Variants in NOS3 observed in about 807,000 individuals in gnomAD.
NOS3 encodes the protein nitric oxide synthase 3, also known as NOS type III.
NOS3 carries 98 observed loss-of-function variants against 144.9 expected under a neutral mutation model. That is an observed-to-expected ratio of 0.68 (90% CI 0.57 to 0.80). NOS3 has a LOEUF of 0.80. NOS3 is among the 30% of genes least tolerant of loss of function. NOS3 has a pLI of 0.00. For missense variants in NOS3, 1,465 were observed against 1,656.4 expected (o/e 0.88, Z 2.01); for synonymous variants, 714 against 702.4 (o/e 1.02, Z -0.26).
rs1419066864 is a variant in NOS3 at position 150,993,027 on chromosome 7, C to T, written c.-51-726C>T. 6.6e-6 allele frequency among the ~76,000 whole-genome samples: 1 copy of T among 152,196 alleles called. No individual in the cohort carries two copies. The highest frequency in any genetic ancestry group is 2.4e-5 in the African/African-American group (1 of 41,450). ...GCCTCAGCCCTAGTCTCTCTGCTGA[C>T]CTGCGGCCCCGGGAAGCGTGCGTCA... On this transcript the variant is annotated intron_variant, in intron 1 of 26. Coordinates refer to ENST00000297494, the MANE Select transcript of NOS3 (RefSeq NM_000603.5). The surrounding 1 kb of genome is among the most constrained non-coding windows in gnomAD (Gnocchi z 4.0).
intron 17 of NOS3, 97 bp from the exon 18 acceptor site, chr7:151,008,833 C>A (rs926644528): frequency 1.0e-5 from 14 of 1,363,950 alleles, no homozygotes; most frequent in Non-Finnish European, 1.3e-5. Flanking sequence ...GGGCTGCCAA[C>A]CCCCCAGGAG....
At chr7:151,009,369 C>A in intron 19 of NOS3, 29 bp from the exon 20 acceptor site, 1 of 1,061,076 alleles carries the variant, frequency 9.4e-7, no homozygotes, top group Non-Finnish European at 1.4e-6. Flanking sequence ...TCTCTGACTC[C>A]CCATAAGTGC....
intron 14 of NOS3, among the ~76,000 whole-genome samples, chr7:151,005,260 C>T (rs898695927): frequency 6.6e-6 from 1 of 152,228 alleles, no homozygotes; most frequent in African/African-American, 2.4e-5. Flanking sequence ...GTTGACAAAA[C>T]ATTCAAAAAT....
At chr7:151,009,344 T>A in intron 19 of NOS3, 54 bp from the exon 20 acceptor site, 2 of 903,546 alleles carry the variant, frequency 2.2e-6, no homozygotes, top group Non-Finnish European at 3.3e-6. Context: ...TCCCACATTC[T>A]CCCGCCCCCA....
chr7:151,006,754 C>T (rs1795211744), intron 15 of NOS3, 135 bp from the exon 16 acceptor site: 2 of 773,412 alleles, frequency 2.6e-6, no homozygotes, highest in African/African-American at 1.7e-5. Flanking sequence ...GGATGCTGGC[C>T]CTCAGCCCCT....
chr7:150,996,981 GC>G, intron 5 of NOS3, 56 bp downstream of exon 5: 2 of 1,515,696 alleles, frequency 1.3e-6, no homozygotes, highest in South Asian at 2.5e-5. Context: ...GAGCGGGGTG[GC>G]GGGGCAGTTC....
Position 150,994,352 on chromosome 7 carries a change from A to G in NOS3, c.158+391A>G, listed in dbSNP as rs3918165. The stretch of plus-strand genomic sequence containing the variant: ...CAAGCCTTCAACAGCAGCGATGATT[A>G]TTTAGCTGGAGAAGAAAGGAGCTGA... On this transcript the variant is annotated intron_variant, in intron 2 of 26. Coordinates refer to ENST00000297494, the MANE Select transcript of NOS3 (RefSeq NM_000603.5). Among the ~76,000 whole-genome samples the G allele has an allele frequency of 6.4e-3, 981 of 152,352 alleles. 10 individuals carry two copies. The highest frequency in any genetic ancestry group is 0.023 in the African/African-American group (940 of 41,576).
chr7:150,993,660 C>A lies in NOS3; in HGVS notation c.-51-93C>A. On this transcript the variant is annotated intron_variant, in intron 1 of 26. Coordinates refer to ENST00000297494, the MANE Select transcript of NOS3 (RefSeq NM_000603.5). The surrounding 1 kb of genome is among the most constrained non-coding windows in gnomAD (Gnocchi z 4.0). ...GCCTCCCAGCCGGGCTTGTTCCTGT[C>A]CCATTGTGTATGGGATAGGGGCGGG... is the stretch of plus-strand genomic sequence containing the variant. 1.3e-6 allele frequency: 1 copy of A among 785,000 alleles called. No homozygotes were observed. Among genetic ancestry groups the A allele is most frequent in the Non-Finnish European group, 2.0e-6 (1 of 504,596 alleles). The allele number at this position is 785,000 out of a possible 1,614,324, so 48.6% of individuals were successfully genotyped here.
rs141211712 is a variant in NOS3, at chr7:151,014,025, C to T, written c.3468C>T (p.His1156=). The change falls in exon 27 of 27, where the codon CAC becomes CAT. Residue 1156 remains histidine, a synonymous_variant. Transcript: ENST00000297494. ...TCCGACAGGATCAGCAACGCTACCA[C>T]GAAGACATTTTCGGGCTCACGCTGC... The part of the protein sequence containing the change: ...IGVLRDQQRY[H]EDIFGLTLRT... The T allele has an allele frequency of 1.3e-3, 2,053 of 1,613,066 alleles. 4 individuals are homozygous for T. Among genetic ancestry groups the T allele is most frequent in the Non-Finnish European group, 1.7e-3 (1,965 of 1,179,374 alleles).
In NOS3 at chr7:150,993,656, C is replaced by G. The variant is rs1802302468; in HGVS notation, c.-51-97C>G. Reference sequence around the variant, plus strand: ...TAGAGCCTCCCAGCCGGGCTTGTTCCTGTCCCATTGTGTATGGGATAGGGG... The same window carrying G: ...TAGAGCCTCCCAGCCGGGCTTGTTCGTGTCCCATTGTGTATGGGATAGGGG... On this transcript the variant is annotated intron_variant, in intron 1 of 26. Coordinates refer to ENST00000297494, the MANE Select transcript of NOS3 (RefSeq NM_000603.5). The surrounding 1 kb of genome is among the most constrained non-coding windows in gnomAD (Gnocchi z 4.0). The G allele has an allele frequency of 4.0e-6, 3 of 744,512 alleles. No individual in the cohort carries two copies. Among genetic ancestry groups the G allele is most frequent in the Non-Finnish European group, 6.3e-6 (3 of 474,358 alleles). The allele number at this position is 744,512 out of a possible 1,614,324, so 46.1% of individuals were successfully genotyped here.
chr7:150,995,335 C>T (rs1022261839), intron 3 of NOS3, 21 bp downstream of exon 3: 1 of 1,539,272 alleles, frequency 6.5e-7, no homozygotes, highest in Non-Finnish European at 9.0e-7. Flanking sequence ...CATGCCCTGT[C>T]CCCATCGTCT....
chr7:150,997,242 AGGGGTGAGGAAGTCTAGACCTGCTGCG>A (rs1490508958), intron 5 of NOS3, among the ~76,000 whole-genome samples: 25 of 101,914 alleles, frequency 2.5e-4, no homozygotes, highest in African/African-American at 6.8e-4. Flanking sequence ...GACCTGCTGC[AGGGGTGAGGAAGTCTAGACCTGCTGCG>A]GGGGTGAGGA....
rs896866355 is a variant in NOS3 at position 151,012,265 on chromosome 7, G to T, written c.2985-86G>T. 5.0e-5 allele frequency: 59 copies of T among 1,188,800 alleles called. 1 individual carries two copies. The South Asian group carries it at 8.8e-4, about 18-fold the overall frequency. 73.6% of individuals were successfully genotyped at this position (1,188,800 alleles called of 1,614,324 possible). On this transcript the variant is annotated intron_variant, in intron 23 of 26. Coordinates refer to ENST00000297494, the MANE Select transcript of NOS3 (RefSeq NM_000603.5). ...TTTTTTTGAGATGGGAAGAACTTGG[G>T]TCCTCCTTGCTCCACCCACCCTGCA...
At chr7:150,994,803 G>T (rs1262940754) in intron 2 of NOS3, among the ~76,000 whole-genome samples, 10 of 152,222 alleles carry the variant, frequency 6.6e-5, no homozygotes, top group Non-Finnish European at 8.8e-5. Flanking sequence ...AGGAGGGGTT[G>T]TGAGTGCGGA....
intron 15 of NOS3, among the ~76,000 whole-genome samples, 156 bp from the exon 16 acceptor site, chr7:151,006,733 C>T (rs961962913): frequency 6.6e-6 from 1 of 152,176 alleles, no homozygotes; most frequent in Non-Finnish European, 1.5e-5. Context: ...GCCCCAGGCT[C>T]GGAACCCCAG....
intron 4 of NOS3, 53 bp from the exon 5 acceptor site, chr7:150,996,709 TC>T: frequency 6.3e-7 from 1 of 1,578,156 alleles, no homozygotes; most frequent in Non-Finnish European, 8.6e-7. Flanking sequence ...GAGGAGGGCC[TC>T]CCTGTCCCAC....
intron 17 of NOS3, 128 bp from the exon 18 acceptor site, chr7:151,008,802 T>TGGCGCCGGCCTC (rs1373322903): frequency 1.8e-6 from 2 of 1,105,822 alleles, no homozygotes; most frequent in African/African-American, 3.2e-5. Flanking sequence ...GTGCTGTCCT[T>TGGCGCCGGCCTC]GGCGCCGGCC....
At chr7:150,994,617 G>A (rs1802327518) in intron 2 of NOS3, among the ~76,000 whole-genome samples, 1 of 152,216 alleles carries the variant, frequency 6.6e-6, no homozygotes, top group Admixed American at 6.5e-5. Flanking sequence ...CTGGTGGGGT[G>A]CCAGGCCGGG....
chr7:151,012,789 C>A, intron 24 of NOS3: 1 of 337,682 alleles, frequency 3.0e-6, no homozygotes, highest in Non-Finnish European at 5.5e-6. Context: ...CAGAGCTGAC[C>A]GAGGTCTGTC....
Sources: allele counts gnomAD v4.1 joint callset (sites outside exome capture counted in the v4.1 genomes callset), GRCh38; gene constraint gnomAD v4.1.1; non-coding constraint Gnocchi (gnomAD v3.1); transcripts MANE v1.5; gene names NCBI Gene and HGNC (gene_info 2026-07-23, HGNC 2026-07-21).